PARP4: variants seen among roughly 807,000 people sequenced by gnomAD.
The protein encoded by PARP4 is protein mono-ADP-ribosyltransferase PARP4.
A neutral mutation model predicts 187.7 loss-of-function variants in PARP4; 120 were observed. That is an observed-to-expected ratio of 0.64 (90% CI 0.55 to 0.74). The LOEUF (loss-of-function observed/expected upper bound fraction) is 0.74. PARP4 is among the 30% of genes least tolerant of loss of function. The pLI, the probability that PARP4 is intolerant of heterozygous loss-of-function variation, is 0.00. For synonymous variants in PARP4, 654 were observed against 740.9 expected (o/e 0.88, Z 1.90); for missense variants, 1,836 against 2,070.5 (o/e 0.89, Z 2.20).
chr13:24,453,524 G>T (rs1396353114), intron 23 of PARP4, 63 bp downstream of exon 23: 26 of 1,000,654 alleles, frequency 2.6e-5, no homozygotes, highest in Non-Finnish European at 4.0e-5. Flanking sequence ...CCTAAGCCCT[G>T]GAGGTCCCCT....
chr13:24,426,752 G>T (rs745390987), intron 32 of PARP4, among the ~76,000 whole-genome samples, 154 bp from the exon 33 acceptor site: 26 of 151,620 alleles, frequency 1.7e-4, no homozygotes, highest in Non-Finnish European at 3.1e-4. Flanking sequence ...AAAATTAGCC[G>T]GGGGTGGCAG....
At chr13:24,502,930 T>C (rs1341853586) in intron 2 of PARP4, among the ~76,000 whole-genome samples, 3 of 152,080 alleles carry the variant, frequency 2.0e-5, no homozygotes, top group African/African-American at 4.8e-5. Context: ...AGGGCTGAGG[T>C]CCAGGGAGGG....
In PARP4 at chr13:24,460,072, T is replaced by G; in HGVS notation, c.2198A>C (p.Tyr733Ser). 6.2e-7 allele frequency: 1 copy of G among 1,614,082 alleles called. No homozygotes were observed. Among genetic ancestry groups the G allele is most frequent in the Non-Finnish European group, 8.5e-7 (1 of 1,179,924 alleles). The change falls in exon 18 of 34, where the codon TAC (tyrosine) becomes TCC (serine). Residue 733 changes from tyrosine to serine, a missense_variant. Coordinates refer to ENST00000381989, the MANE Select transcript of PARP4 (RefSeq NM_006437.4). ...GCCCAGGATGCTGAGTTCTGTGATG[T>G]AGGTAATTTTTATAAGAACCTTAGC... Reference protein sequence around the residue: ...PKAKVLIKITYITELSILGTV... With the variant: ...PKAKVLIKITSITELSILGTV...
intron 22 of PARP4, among the ~76,000 whole-genome samples, chr13:24,454,554 AT>A (rs1336420694): frequency 1.3e-5 from 2 of 151,908 alleles, no homozygotes; most frequent in Non-Finnish European, 2.9e-5. Flanking sequence ...TTCCTTATAG[AT>A]TTTCTATGAC....
intron 9 of PARP4, among the ~76,000 whole-genome samples, chr13:24,491,861 G>A (rs1868673829): frequency 6.6e-6 from 1 of 152,228 alleles, no homozygotes; most frequent in Non-Finnish European, 1.5e-5. Context: ...GAGTCTGCCA[G>A]GGGCTTCCTC....
intron 17 of PARP4, among the ~76,000 whole-genome samples, chr13:24,467,147 G>A (rs746989764): frequency 2.0e-5 from 3 of 152,142 alleles, no homozygotes; most frequent in Non-Finnish European, 4.4e-5. Flanking sequence ...TGAAGTCTTG[G>A]AAACACTGCC....
intron 22 of PARP4, 108 bp from the exon 23 acceptor site, chr13:24,453,762 ATATATT>A (rs1871663017): frequency 2.8e-6 from 2 of 704,700 alleles, no homozygotes; most frequent in Non-Finnish European, 5.1e-6. Flanking sequence ...AAAGGATATT[ATATATT>A]TATGTGTGTA....
intron 33 of PARP4, among the ~76,000 whole-genome samples, chr13:24,425,041 T>C (rs1371043387): frequency 6.6e-6 from 1 of 151,926 alleles, no homozygotes; most frequent in Non-Finnish European, 1.5e-5. Context: ...GTGGTTCATG[T>C]CTGTAATCCC....
At chr13:24,424,773 G>A (rs1171294918) in intron 33 of PARP4, among the ~76,000 whole-genome samples, 6 of 148,204 alleles carry the variant, frequency 4.0e-5, no homozygotes, top group Admixed American at 6.8e-5. Context: ...CCAGGTTCAC[G>A]CCATTCTCCT....
rs371797786 is a variant in PARP4, at chr13:24,501,620, A to G, written c.334+13T>C. On this transcript the variant is annotated intron_variant, in intron 3 of 33. Coordinates refer to ENST00000381989, the MANE Select transcript of PARP4 (RefSeq NM_006437.4). ...ACCTATGATACGTTAAATGCTTGCT[A>G]TGAAATACCTACCAGAACTGCTCGC... 3.8e-6 allele frequency: 6 copies of G among 1,589,818 alleles called. No homozygotes were observed. The highest frequency in any genetic ancestry group is 5.2e-6 in the Non-Finnish European group (6 of 1,158,254).
intron 15 of PARP4, among the ~76,000 whole-genome samples, chr13:24,471,006 G>T (rs1378216988): frequency 6.6e-6 from 1 of 152,168 alleles, no homozygotes; most frequent in African/African-American, 2.4e-5. Context: ...CCACCCAAGA[G>T]GAGGCAAACG....
intron 14 of PARP4, among the ~76,000 whole-genome samples, chr13:24,476,949 T>G (rs1873016792): frequency 6.6e-6 from 1 of 152,210 alleles, no homozygotes; most frequent in Non-Finnish European, 1.5e-5. Context: ...CAAAAGGTCA[T>G]GCAGTTTCAA....
intron 33 of PARP4, among the ~76,000 whole-genome samples, chr13:24,424,207 A>T (rs917674469): frequency 5.3e-5 from 8 of 152,180 alleles, no homozygotes; most frequent in Non-Finnish European, 7.3e-5. Context: ...ATATTTCTTT[A>T]ATATCATAAA....
chr13:24,453,552 A>C, intron 23 of PARP4, 35 bp downstream of exon 23: 1 of 1,322,132 alleles, frequency 7.6e-7, no homozygotes, highest in Non-Finnish European at 1.1e-6. Flanking sequence ...TGGTAGGAAA[A>C]GACCCAGGAG....
chr13:24,478,190 T>C lies in PARP4; in HGVS notation c.1535A>G (p.Asp512Gly). The C allele has an allele frequency of 6.2e-7, 1 of 1,613,876 alleles. No individual in the cohort carries two copies. The highest frequency in any genetic ancestry group is 8.5e-7 in the Non-Finnish European group (1 of 1,179,836). Residue 512 changes from aspartate (D) to glycine (G), a missense_variant, in exon 13 of 34, where the codon GAC (aspartate) becomes GGC (glycine). Asp to Gly is a moderately conservative substitution (Grantham distance 94). Around this residue, in one of 8 missense-constraint regions of PARP4, gnomAD observed 1,147 missense variants for 1,214.2 expected, o/e 0.94. Transcript: ENST00000381989. ...TAAGGAAAAGTCCTTCTCATGTAAG[T>C]CCATACACTTTCCGAGGGCTACGTC... ...ICDVALGKCM[D>G]LHEKDFSLTE...
At chr13:24,457,254 TAG>T (rs1051423926) in intron 20 of PARP4, among the ~76,000 whole-genome samples, 2 of 152,212 alleles carry the variant, frequency 1.3e-5, no homozygotes, top group African/African-American at 2.4e-5. Context: ...AGGCATGTGC[TAG>T]AGTGTCACAT....
At chr13:24,495,632 G>T (rs1347634130) in intron 6 of PARP4, among the ~76,000 whole-genome samples, 1 of 152,128 alleles carries the variant, frequency 6.6e-6, no homozygotes, top group Non-Finnish European at 1.5e-5. Flanking sequence ...GGAAGAACCT[G>T]CCCCAGCTCA....
At chr13:24,491,337 G>C (rs1868636027) in intron 9 of PARP4, among the ~76,000 whole-genome samples, 1 of 152,112 alleles carries the variant, frequency 6.6e-6, no homozygotes, top group Non-Finnish European at 1.5e-5. Context: ...GGCCAGGCTG[G>C]TCTCAAACTC....
intron 9 of PARP4, among the ~76,000 whole-genome samples, chr13:24,491,353 T>G (rs1195504497): frequency 1.3e-5 from 2 of 152,140 alleles, no homozygotes; most frequent in Non-Finnish European, 2.9e-5. Context: ...AACTCCTGAC[T>G]GGTGATCCAT....
Sources: gnomAD v4.1 joint callset for allele counts (sites outside exome capture counted in the v4.1 genomes callset) on GRCh38, gnomAD v4.1.1 for gene constraint, gnomAD v4.1.1 regional missense constraint, MANE v1.5 for transcripts, NCBI Gene and HGNC (gene_info 2026-07-23, HGNC 2026-07-21) for gene names.